SBF2: variants seen among roughly 807,000 people sequenced by gnomAD.
The protein encoded by SBF2 is myotubularin-related protein 13.
In SBF2, 112 loss-of-function variants were observed where a neutral mutation model predicts 225.2. That is an observed-to-expected ratio of 0.50 (90% confidence interval 0.43 to 0.58). The LOEUF (loss-of-function observed/expected upper bound fraction) is 0.58, where lower values mean the gene tolerates loss of function less well. SBF2 is among the 20% of genes least tolerant of loss of function. The probability of loss-of-function intolerance (pLI) is 0.00; values close to 1 mark genes in which losing one functional copy is unlikely to be tolerated. For missense variants in SBF2, 1,996 were observed against 2,206.2 expected (o/e 0.90, Z 1.91); for synonymous variants, 763 against 773.3 (o/e 0.99, Z 0.22).
chr11:10,252,820 C>CA (rs779396478), intron 1 of SBF2, among the ~76,000 whole-genome samples: 17,599 of 124,222 alleles, frequency 0.14, 1,206 homozygotes, highest in African/African-American at 0.18. Flanking sequence ...GACTCTGTCT[C>CA]AAAAAAAAAA....
chr11:9,820,859 G>T (rs1003319472), intron 28 of SBF2, among the ~76,000 whole-genome samples: 1 of 152,172 alleles, frequency 6.6e-6, no homozygotes, highest in Non-Finnish European at 1.5e-5. Context: ...ATAACAAGAC[G>T]CTGCTTTTCC....
chr11:10,108,687 G>T (rs1330611564), intron 2 of SBF2, among the ~76,000 whole-genome samples: 2 of 151,726 alleles, frequency 1.3e-5, no homozygotes, highest in East Asian at 3.9e-4. Flanking sequence ...ACCACGCCCG[G>T]CTAATTTTTT....
intron 16 of SBF2, among the ~76,000 whole-genome samples, chr11:9,952,416 C>G (rs1429906577): frequency 6.6e-6 from 1 of 152,154 alleles, no homozygotes. Context: ...TTAGCCTCAC[C>G]TTGTCCTTCT....
chr11:10,238,016 T>A (rs749793848), intron 1 of SBF2, among the ~76,000 whole-genome samples: 2 of 152,198 alleles, frequency 1.3e-5, no homozygotes, highest in Non-Finnish European at 2.9e-5. Flanking sequence ...TAAGTCTATG[T>A]ATGGGCATAA....
At chr11:10,010,149 G>A (rs191443001) in intron 6 of SBF2, among the ~76,000 whole-genome samples, 9 of 152,220 alleles carry the variant, frequency 5.9e-5, no homozygotes, top group African/African-American at 1.9e-4. Flanking sequence ...TTAGCCCTTT[G>A]TCAGATGGAT....
intron 17 of SBF2, among the ~76,000 whole-genome samples, chr11:9,883,992 T>C (rs577346765): frequency 1.3e-5 from 2 of 152,226 alleles, no homozygotes; most frequent in African/African-American, 2.4e-5. Flanking sequence ...CAGAAGTGAA[T>C]GACAGACTCT....
At chr11:9,889,837 G>A (rs1860644850) in intron 17 of SBF2, among the ~76,000 whole-genome samples, 1 of 152,170 alleles carries the variant, frequency 6.6e-6, no homozygotes. Context: ...GGGATGGGGA[G>A]CAACTGAGAA....
intron 2 of SBF2, among the ~76,000 whole-genome samples, chr11:10,099,554 T>A (rs1952189147): frequency 6.6e-6 from 1 of 152,170 alleles, no homozygotes; most frequent in South Asian, 2.1e-4. Flanking sequence ...ATAGTCAGTG[T>A]CAGAATATTA....
chr11:10,294,336 CGCTGGG>C (rs1964392127), upstream of SBF2: 1 of 330,810 alleles, frequency 3.0e-6, no homozygotes, highest in Admixed American at 4.9e-5. Context: ...CGGACTGCTG[CGCTGGG>C]GGAGTGGGCG....
chr11:9,913,138 C>T (rs1011008367), intron 16 of SBF2, among the ~76,000 whole-genome samples: 2 of 151,934 alleles, frequency 1.3e-5, no homozygotes, highest in Non-Finnish European at 2.9e-5. Context: ...ACAAAAATTA[C>T]CTCGGTGTGG....
chr11:10,078,766 C>T (rs1396062725), intron 2 of SBF2, among the ~76,000 whole-genome samples: 2 of 152,074 alleles, frequency 1.3e-5, no homozygotes, highest in African/African-American at 4.8e-5. Context: ...TACCCCAGAA[C>T]TTAAAGTATA....
chr11:10,154,043 A>G (rs1955350848), intron 2 of SBF2, among the ~76,000 whole-genome samples: 1 of 152,054 alleles, frequency 6.6e-6, no homozygotes, highest in Non-Finnish European at 1.5e-5. Context: ...TTTATCGTCT[A>G]TCTTGTCTAC....
intron 6 of SBF2, among the ~76,000 whole-genome samples, chr11:10,023,361 T>A (rs1022322671): frequency 6.6e-6 from 1 of 152,186 alleles, no homozygotes; most frequent in East Asian, 1.9e-4. Context: ...AACAAGCCTC[T>A]AACAGTAACA....
At chr11:10,204,324 C>T (rs547453025) in intron 1 of SBF2, among the ~76,000 whole-genome samples, 4 of 150,738 alleles carry the variant, frequency 2.7e-5, no homozygotes, top group South Asian at 2.1e-4. Flanking sequence ...TCTATATAAT[C>T]GAATATTATT....
At chr11:9,822,481 C>T (rs1276325505) in intron 28 of SBF2, among the ~76,000 whole-genome samples, 8 of 152,030 alleles carry the variant, frequency 5.3e-5, no homozygotes, top group Non-Finnish European at 8.8e-5. Flanking sequence ...AGGATGGTCT[C>T]GATCTCCTGA....
chr11:10,273,355 G>C (rs7110652), intron 1 of SBF2, among the ~76,000 whole-genome samples: 69,602 of 151,748 alleles, frequency 0.46, 16,777 homozygotes, highest in Non-Finnish European at 0.54. Flanking sequence ...TTAAAAAATT[G>C]CTTCAACATT....
chr11:10,227,155 C>T (rs1477694269), intron 1 of SBF2, among the ~76,000 whole-genome samples: 4 of 151,966 alleles, frequency 2.6e-5, no homozygotes, highest in South Asian at 2.1e-4. Context: ...ATCCTTTGCC[C>T]GCTTTTTGAT....
chr11:10,171,020 C>A (rs892443662), intron 2 of SBF2, among the ~76,000 whole-genome samples: 3 of 150,528 alleles, frequency 2.0e-5, no homozygotes, highest in African/African-American at 7.3e-5. Context: ...ATTTGTTCAT[C>A]AGTTTTAATA....
chr11:9,959,355 T>G, intron 16 of SBF2: 1 of 782,894 alleles, frequency 1.3e-6, no homozygotes, highest in South Asian at 1.3e-5. Flanking sequence ...GGGAATCCAC[T>G]GGAAGGCCAA....
Sources: allele counts gnomAD v4.1 joint callset (sites outside exome capture counted in the v4.1 genomes callset), GRCh38; gene constraint gnomAD v4.1.1; transcripts MANE v1.5; gene names NCBI Gene and HGNC (gene_info 2026-07-23, HGNC 2026-07-21).